The following VTI1A variants were observed in gnomAD, a reference collection of about 807,000 sequenced individuals.
VTI1A encodes the protein vesicle transport through interaction with t-SNAREs homolog 1A.
A neutral mutation model predicts 34.9 loss-of-function variants in VTI1A; 22 were observed. The ratio of observed to expected loss-of-function variants is 0.63; its 90% confidence interval spans 0.45 to 0.90. The LOEUF is 0.90. Among genes scored for constraint, VTI1A ranks in the 40% least tolerant of loss-of-function variants. The pLI is 0.00. For missense variants in VTI1A, 268 were observed against 275.6 expected, an observed-to-expected ratio of 0.97 and a Z score of 0.20; for synonymous variants, 87 against 97.3, an observed-to-expected ratio of 0.89 and a Z score of 0.62.
intron 7 of VTI1A, among the ~76,000 whole-genome samples, chr10:112,771,283 G>A (rs1364867883): frequency 6.6e-6 from 1 of 152,250 alleles, no homozygotes; most frequent in Non-Finnish European, 1.5e-5. Context: ...ACAACACGCA[G>A]TGTGGAGCCT....
chr10:112,763,223 A>G (rs1036417533), intron 7 of VTI1A, among the ~76,000 whole-genome samples: 133 of 152,032 alleles, frequency 8.7e-4, no homozygotes, highest in Admixed American at 1.6e-3. Context: ...GGCGGATCAC[A>G]AGGTCAGGAG....
At position 112,800,182 on chromosome 10, in the gene VTI1A, T is replaced by G. The variant is rs548091188; in HGVS notation, c.561-15108T>G. Among the ~76,000 whole-genome samples, 4 of 152,348 alleles carry G rather than the reference T, an allele frequency of 2.6e-5. No homozygotes were observed. In the East Asian group the frequency reaches 7.7e-4, roughly 29 times the overall value. ...TCACAAAAGCCAAGGCAGCCGAGTC[T>G]TCACCAATATGTTCCAGGAGAGGCA... On this transcript the variant is annotated intron_variant, in intron 7 of 7. Transcript: ENST00000393077.
intron 7 of VTI1A, among the ~76,000 whole-genome samples, chr10:112,716,716 G>C (rs1849624934): frequency 6.6e-6 from 1 of 152,108 alleles, no homozygotes; most frequent in South Asian, 2.1e-4. Flanking sequence ...ATACTCACTG[G>C]AGCACTTTGG....
At chr10:112,673,268 G>A (rs1173190788) in intron 7 of VTI1A, among the ~76,000 whole-genome samples, 2 of 149,646 alleles carry the variant, frequency 1.3e-5, no homozygotes, top group Non-Finnish European at 3.0e-5. Flanking sequence ...GCGAGCCGAG[G>A]TCACATCACT....
chr10:112,460,948 A>C (rs188292348), intron 2 of VTI1A, among the ~76,000 whole-genome samples: 1 of 152,344 alleles, frequency 6.6e-6, no homozygotes, highest in East Asian at 1.9e-4. Context: ...TTATTTGTCA[A>C]AAATGATAAA....
chr10:112,730,914 A>AT (rs1423498942), intron 7 of VTI1A, among the ~76,000 whole-genome samples: 1 of 152,160 alleles, frequency 6.6e-6, no homozygotes, highest in Non-Finnish European at 1.5e-5. Flanking sequence ...GCATCTTTTT[A>AT]TTTTTTTCCT....
the VTI1A span, among the ~76,000 whole-genome samples, chr10:112,837,191 G>A: frequency 6.6e-6 from 1 of 152,238 alleles, no homozygotes; most frequent in Non-Finnish European, 1.5e-5. Context: ...GTGGTGTGTG[G>A]TGGTGCACAC....
At chr10:112,775,378 G>A (rs1851931694) in intron 7 of VTI1A, among the ~76,000 whole-genome samples, 1 of 151,464 alleles carries the variant, frequency 6.6e-6, no homozygotes, top group Admixed American at 6.6e-5. Context: ...TCTTAAGGCT[G>A]TAGGATCCTG....
chr10:112,612,559 CTACAGG>C (rs1845359831), intron 5 of VTI1A, among the ~76,000 whole-genome samples: 1 of 152,180 alleles, frequency 6.6e-6, no homozygotes, highest in South Asian at 2.1e-4. Flanking sequence ...TTAGCTGGAA[CTACAGG>C]TACATGCTGC....
the VTI1A span, among the ~76,000 whole-genome samples, chr10:112,829,280 T>C: frequency 1.2e-4 from 18 of 151,546 alleles, no homozygotes; most frequent in Non-Finnish European, 2.4e-4. Flanking sequence ...CCGTCTCTAC[T>C]AAAAATACAA....
At chr10:112,787,095 A>G (rs1345807640) in intron 7 of VTI1A, among the ~76,000 whole-genome samples, 1 of 152,160 alleles carries the variant, frequency 6.6e-6, no homozygotes, top group Non-Finnish European at 1.5e-5. Context: ...TTATAGGTCT[A>G]TTCAGGTATT....
At position 112,660,634 on chromosome 10, in the gene VTI1A, T is replaced by C. The variant is rs1444073390; in HGVS notation, c.428-7584T>C. On this transcript the variant is annotated intron_variant, in intron 5 of 7. Coordinates refer to ENST00000393077, the MANE Select transcript of VTI1A (RefSeq NM_145206.4). ...ACAGTGACCGCTAACCACATGTAGG[T>C]ACTGAGCACTTGAAATGTGGATAGT... Among the ~76,000 whole-genome samples the C allele has an allele frequency of 2.0e-5, 3 of 152,214 alleles. No homozygotes were observed. The East Asian group carries it at 5.8e-4, about 29-fold the overall frequency.
chr10:112,693,375 C>T (rs755855675), intron 7 of VTI1A, among the ~76,000 whole-genome samples: 2 of 151,682 alleles, frequency 1.3e-5, no homozygotes, highest in Non-Finnish European at 2.9e-5. Context: ...GGTGAAACCC[C>T]ATCTCTACTA....
intron 7 of VTI1A, among the ~76,000 whole-genome samples, chr10:112,678,248 A>C (rs1179463572): frequency 6.6e-6 from 1 of 152,104 alleles, no homozygotes; most frequent in Non-Finnish European, 1.5e-5. Flanking sequence ...GATGCATGCC[A>C]TTCTTGAATG....
rs1459454824 is a variant in VTI1A at position 112,644,522 on chromosome 10, GA to G, written c.428-23694del. On this transcript the variant is annotated intron_variant, in intron 5 of 7. Coordinates refer to ENST00000393077, the MANE Select transcript of VTI1A (RefSeq NM_145206.4). ...GCTTTGAATAGTTTTATTGGATAAT[GA>G]ACTGTTAAGAAGTGTTAGATCTTTC... 1.3e-4 allele frequency among the ~76,000 whole-genome samples: 20 copies of G among 152,300 alleles called. No homozygotes were observed. In the South Asian group the frequency reaches 1.5e-3, roughly 11 times the overall value.
At chr10:112,566,332 ATAAT>A (rs1851902750) in intron 5 of VTI1A, among the ~76,000 whole-genome samples, 1 of 152,234 alleles carries the variant, frequency 6.6e-6, no homozygotes. Flanking sequence ...AAATGTTAAA[ATAAT>A]AGATTTAAAA....
the VTI1A span, among the ~76,000 whole-genome samples, chr10:112,844,101 A>T: frequency 1.3e-5 from 2 of 152,146 alleles, no homozygotes; most frequent in African/African-American, 2.4e-5. Context: ...CATCTGAAAA[A>T]AAAGGGAAAA....
chr10:112,668,880 C>A lies in VTI1A; in HGVS notation c.499-57C>A. 6 of 1,561,596 alleles carry A rather than the reference C, an allele frequency of 3.8e-6. No homozygotes were observed. The South Asian group carries it at 4.5e-5, about 12-fold the overall frequency. On this transcript the variant is annotated intron_variant, in intron 6 of 7. Coordinates refer to ENST00000393077, the MANE Select transcript of VTI1A (RefSeq NM_145206.4). ...ATGAAATAAATTGTCGCTTGCCATG[C>A]ACTTTAGAAATAATCTAATTGCATG... is the stretch of plus-strand genomic sequence containing the variant.
chr10:112,461,701 A>G (rs757268769), intron 2 of VTI1A, among the ~76,000 whole-genome samples: 45 of 152,208 alleles, frequency 3.0e-4, no homozygotes, highest in Middle Eastern at 3.4e-3. Context: ...TTGTGGCCCT[A>G]TGAGTGTGTT....
Sources: gnomAD v4.1 joint callset for allele counts (sites outside exome capture counted in the v4.1 genomes callset) on GRCh38, gnomAD v4.1.1 for gene constraint, MANE v1.5 for transcripts, NCBI Gene and HGNC (gene_info 2026-07-23, HGNC 2026-07-21) for gene names.